SPIN1: variants seen among roughly 807,000 people sequenced by gnomAD.
The protein encoded by SPIN1 is spindlin-1.
Under a neutral mutation model 26.0 loss-of-function variants are expected in SPIN1, and 3 were observed. The observed-to-expected ratio is 0.12, with a 90% CI of 0.05 to 0.30. The LOEUF is 0.30. SPIN1 is among the 10% of genes least tolerant of loss of function. SPIN1 has a pLI of 1.00. For missense variants in SPIN1, 126 were observed against 333.4 expected (o/e 0.38, Z 4.84); for synonymous variants, 101 against 116.5 (o/e 0.87, Z 0.86).
chr9:88,389,802 G>C (rs943131827), intron 1 of SPIN1, among the ~76,000 whole-genome samples: 7 of 152,132 alleles, frequency 4.6e-5, no homozygotes, highest in African/African-American at 1.7e-4. Context: ...CATCGCTTTT[G>C]TTAAGCAGTG....
chr9:88,414,925 A>T (rs1416535327), intron 1 of SPIN1, among the ~76,000 whole-genome samples: 1 of 152,012 alleles, frequency 6.6e-6, no homozygotes, highest in Non-Finnish European at 1.5e-5. Context: ...GTTTTTTGAG[A>T]TGGAGTCTCG....
chr9:88,469,499 T>C (rs924473126), intron 5 of SPIN1, among the ~76,000 whole-genome samples: 7 of 152,196 alleles, frequency 4.6e-5, no homozygotes. Context: ...TCATTAGGCC[T>C]AGAAAACCTT....
chr9:88,475,426 G>T lies in SPIN1; in HGVS notation c.*149G>T. 1.4e-6 allele frequency: 1 copy of T among 701,920 alleles called. No homozygotes were observed. The highest frequency in any genetic ancestry group is 2.3e-6 in the Non-Finnish European group (1 of 440,010). 43.5% of individuals were successfully genotyped at this position (701,920 alleles called of 1,614,324 possible). ...AGCAGAACTGGTTTTGTTCTGAATA[G>T]TACAGATTGATGTGAACACAAAGCA... On this transcript the variant is annotated 3_prime_UTR_variant, in exon 6 of 6. Transcript: ENST00000375859.
chr9:88,398,805 C>G (rs1827124139), intron 1 of SPIN1, among the ~76,000 whole-genome samples: 1 of 152,120 alleles, frequency 6.6e-6, no homozygotes, highest in Admixed American at 6.6e-5. Context: ...AACTCCCCAC[C>G]TCAGGTCATC....
intron 5 of SPIN1, among the ~76,000 whole-genome samples, chr9:88,472,254 TAAC>T (rs1159077222): frequency 6.6e-6 from 1 of 152,192 alleles, no homozygotes; most frequent in African/African-American, 2.4e-5. Flanking sequence ...ATTGCCCTCT[TAAC>T]AATGTTAACA....
At chr9:88,473,464 A>G (rs753582021) in intron 5 of SPIN1, among the ~76,000 whole-genome samples, 7 of 152,222 alleles carry the variant, frequency 4.6e-5, no homozygotes, top group African/African-American at 7.2e-5. Flanking sequence ...GGAATTTGTC[A>G]TGAGAACATT....
intron 5 of SPIN1, among the ~76,000 whole-genome samples, chr9:88,472,731 C>G (rs1459154743): frequency 6.6e-6 from 1 of 152,170 alleles, no homozygotes; most frequent in Non-Finnish European, 1.5e-5. Context: ...GACCTTGTGT[C>G]TCTCACCTTG....
At chr9:88,405,555 T>TTTTTC (rs1160573430) in intron 1 of SPIN1, among the ~76,000 whole-genome samples, 94 of 142,566 alleles carry the variant, frequency 6.6e-4, no homozygotes, top group African/African-American at 2.4e-3. Flanking sequence ...TTTTTTTTTT[T>TTTTTC]TCCCTGAGAC....
At chr9:88,402,361 G>A (rs934039905) in intron 1 of SPIN1, among the ~76,000 whole-genome samples, 4 of 152,116 alleles carry the variant, frequency 2.6e-5, no homozygotes, top group Non-Finnish European at 5.9e-5. Flanking sequence ...GAGATATACA[G>A]TATATATTTG....
intron 1 of SPIN1, among the ~76,000 whole-genome samples, chr9:88,404,366 A>G (rs886865995): frequency 6.6e-6 from 1 of 152,132 alleles, no homozygotes; most frequent in African/African-American, 2.4e-5. Flanking sequence ...CTAACCCCCA[A>G]TTCTTCAATC....
intron 4 of SPIN1, among the ~76,000 whole-genome samples, chr9:88,466,627 T>G (rs953741058): frequency 6.6e-6 from 1 of 152,234 alleles, no homozygotes; most frequent in Non-Finnish European, 1.5e-5. Context: ...GCTGATAAAA[T>G]TAAATAGCAA....
intron 1 of SPIN1, among the ~76,000 whole-genome samples, chr9:88,414,948 TG>T (rs1242670598): frequency 1.3e-5 from 2 of 152,130 alleles, no homozygotes; most frequent in African/African-American, 4.8e-5. Context: ...GTGTCACCCA[TG>T]GTGGAGTGCA....
intron 2 of SPIN1, among the ~76,000 whole-genome samples, chr9:88,433,490 C>T (rs775025547): frequency 1.3e-5 from 2 of 152,136 alleles, no homozygotes; most frequent in Non-Finnish European, 2.9e-5. Context: ...CCTTGAGTCT[C>T]TTGATCCTAG....
Position 88,411,306 on chromosome 9 carries a change from A to G in SPIN1, c.-158-15076A>G, listed in dbSNP as rs182762155. 3.4e-4 allele frequency: 461 copies of G among 1,356,324 alleles called. 3 individuals carry two copies. In the East Asian group the frequency reaches 7.4e-3, roughly 22 times the overall value. 84.0% of individuals were successfully genotyped at this position (1,356,324 alleles called of 1,614,324 possible). ...GTGACAAACTCAAAGCCCCTGGAGC[A>G]CTTGGTGTTTGGATCTCTCATTACC... On this transcript the variant is annotated intron_variant, in intron 1 of 5. Coordinates refer to ENST00000375859, the MANE Select transcript of SPIN1 (RefSeq NM_006717.3).
intron 3 of SPIN1, among the ~76,000 whole-genome samples, chr9:88,462,266 G>A (rs1828590558): frequency 6.6e-6 from 1 of 152,084 alleles, no homozygotes; most frequent in Non-Finnish European, 1.5e-5. Flanking sequence ...ACACAGTTGA[G>A]GTGCACAACA....
intron 1 of SPIN1, among the ~76,000 whole-genome samples, chr9:88,404,772 C>T (rs1377898999): frequency 7.9e-5 from 12 of 151,878 alleles, no homozygotes; most frequent in African/African-American, 2.9e-4. Context: ...AAAAAGTAGC[C>T]GGGCGTAGTG....
rs1400996217 is a variant in SPIN1, at chr9:88,469,008, C to T, written c.589+403C>T. Among the ~76,000 whole-genome samples the T allele has an allele frequency of 2.0e-5, 3 of 152,168 alleles. No individual in the cohort carries two copies. The East Asian group carries it at 5.8e-4, about 29-fold the overall frequency. On this transcript the variant is annotated intron_variant, in intron 5 of 5. Coordinates refer to ENST00000375859, the MANE Select transcript of SPIN1 (RefSeq NM_006717.3). Reference sequence around the variant, plus strand: ...CAGTGCAATTATTTTGAATCTAATCCCAAGACATTGATTATTTCATCTGTA... The same window carrying T: ...CAGTGCAATTATTTTGAATCTAATCTCAAGACATTGATTATTTCATCTGTA...
chr9:88,459,829 C>T (rs574559135), intron 3 of SPIN1, among the ~76,000 whole-genome samples: 7 of 152,228 alleles, frequency 4.6e-5, no homozygotes, highest in Admixed American at 1.3e-4. Context: ...GTTTTGTTTG[C>T]GGCCTTTATA....
rs537983286 is a variant in SPIN1, at chr9:88,409,600, C to A, written c.-158-16782C>A. Among the ~76,000 whole-genome samples, 41 of 151,814 alleles carry A rather than the reference C, an allele frequency of 2.7e-4. No individual in the cohort carries two copies. The South Asian group carries it at 8.6e-3, about 32-fold the overall frequency. On this transcript the variant is annotated intron_variant, in intron 1 of 5. Transcript: ENST00000375859. ...CCTGTAATCCCAGCACTTTGGGAGG[C>A]CGAGGCGGGCGGATCACGAGGTCAG...
Sources: allele counts gnomAD v4.1 joint callset (sites outside exome capture counted in the v4.1 genomes callset), GRCh38; gene constraint gnomAD v4.1.1; transcripts MANE v1.5; gene names NCBI Gene and HGNC (gene_info 2026-07-23, HGNC 2026-07-21).